The following PTPRD variants were observed in gnomAD, a reference collection of about 807,000 sequenced individuals.
PTPRD encodes receptor-type tyrosine-protein phosphatase delta.
In PTPRD, 34 loss-of-function variants were observed where a neutral mutation model predicts 214.5. The ratio of observed to expected loss-of-function variants is 0.16; its 90% CI spans 0.12 to 0.21. The LOEUF (loss-of-function observed/expected upper bound fraction) is 0.21, where lower values mean the gene tolerates loss of function less well. PTPRD is among the 10% of genes least tolerant of loss of function. The pLI, the probability that PTPRD is intolerant of heterozygous loss-of-function variation, is 1.00. For missense variants in PTPRD, 2,545 were observed against 2,398.7 expected, an observed-to-expected ratio of 1.06 and a Z score of -1.27; for synonymous variants, 1,128 against 845.7, an observed-to-expected ratio of 1.33 and a Z score of -5.79.
intron 3 of PTPRD, among the ~76,000 whole-genome samples, chr9:10,069,806 TATGTGTTGAC>T (rs762412359): frequency 6.6e-6 from 1 of 152,108 alleles, no homozygotes; most frequent in Non-Finnish European, 1.5e-5. Context: ...AACAAACTGA[TATGTGTTGAC>T]ATGTTTCTGT....
chr9:9,014,916 C>T (rs918947275), intron 11 of PTPRD, among the ~76,000 whole-genome samples: 1 of 151,886 alleles, frequency 6.6e-6, no homozygotes, highest in Non-Finnish European at 1.5e-5. Context: ...GGATAAAAGA[C>T]CTTGCTATAT....
intron 8 of PTPRD, among the ~76,000 whole-genome samples, chr9:9,495,045 C>CA (rs2096106691): frequency 6.6e-6 from 1 of 151,828 alleles, no homozygotes; most frequent in African/African-American, 2.4e-5. Flanking sequence ...ACAAGAGCAC[C>CA]AAGAGCATTC....
In PTPRD at chr9:9,837,095, T is replaced by A. The variant is rs562293875; in HGVS notation, c.-367-70244A>T. ...CATTCTTTTCCCTATGTTATGTGTA[T>A]TAGAGTAAATATTCACTTCACTTTC... is the stretch of plus-strand genomic sequence containing the variant. On this transcript the variant is annotated intron_variant, in intron 5 of 45. Transcript: ENST00000381196. Among the ~76,000 whole-genome samples, 6 of 152,268 alleles carry A rather than the reference T, an allele frequency of 3.9e-5. No homozygotes were observed. In the South Asian group the frequency reaches 1.2e-3, roughly 32 times the overall value.
At chr9:8,848,504 A>ATTTTT (rs34149878) in intron 11 of PTPRD, among the ~76,000 whole-genome samples, 1 of 125,038 alleles carries the variant, frequency 8.0e-6, no homozygotes, top group Non-Finnish European at 1.7e-5. Flanking sequence ...TCTGGCAAAT[A>ATTTTT]TTTTTTTTTT....
chr9:9,198,781 A>G (rs1174009211), intron 9 of PTPRD, among the ~76,000 whole-genome samples: 2 of 152,166 alleles, frequency 1.3e-5, no homozygotes, highest in Non-Finnish European at 2.9e-5. Context: ...TTAATGGAAA[A>G]TATCTGATTT....
chr9:8,638,979 A>G (rs1369902907), intron 12 of PTPRD, among the ~76,000 whole-genome samples: 1 of 152,114 alleles, frequency 6.6e-6, no homozygotes, highest in Non-Finnish European at 1.5e-5. Flanking sequence ...AATAGCTAGG[A>G]CTACAGGTGC....
chr9:10,062,451 C>CA lies in PTPRD; in HGVS notation c.-544-28662dup, dbSNP rs371008480. Among the ~76,000 whole-genome samples, 652 of 151,976 alleles carry CA rather than the reference C, an allele frequency of 4.3e-3. 7 individuals are homozygous for CA. The highest frequency in any genetic ancestry group is 0.015 in the African/African-American group (611 of 41,504). The stretch of plus-strand genomic sequence containing the variant: ...TGAAACCCCGTCTCTACTAAAAATA[C>CA]AAAAAATAGCTGGGCGTGGTGGCAG... On this transcript the variant is annotated intron_variant, in intron 3 of 45. Coordinates refer to ENST00000381196, the MANE Select transcript of PTPRD (RefSeq NM_002839.4).
chr9:8,816,991 T>C (rs565645042), intron 11 of PTPRD, among the ~76,000 whole-genome samples: 22 of 152,314 alleles, frequency 1.4e-4, no homozygotes, highest in African/African-American at 4.8e-4. Flanking sequence ...ATCCTAGCAT[T>C]TACCACTCAG....
At chr9:10,117,532 TTG>T (rs1250988807) in intron 3 of PTPRD, among the ~76,000 whole-genome samples, 1 of 152,008 alleles carries the variant, frequency 6.6e-6, no homozygotes, top group Non-Finnish European at 1.5e-5. Flanking sequence ...CCTTCAGTTT[TTG>T]GTTAGTTGCA....
intron 9 of PTPRD, among the ~76,000 whole-genome samples, chr9:9,271,746 G>A (rs1569566401): frequency 6.6e-6 from 1 of 151,186 alleles, no homozygotes; most frequent in South Asian, 2.1e-4. Flanking sequence ...TTTTTTCTGA[G>A]ACTAACATCA....
chr9:10,403,266 T>C (rs1422680669), intron 2 of PTPRD, among the ~76,000 whole-genome samples: 1 of 33,366 alleles, frequency 3.0e-5, no homozygotes, highest in African/African-American at 9.3e-5. Flanking sequence ...ATATGAAAAA[T>C]GTAGTGAATG....
chr9:9,126,818 C>G lies in PTPRD; in HGVS notation c.-143+56486G>C, dbSNP rs183235845. On this transcript the variant is annotated intron_variant, in intron 10 of 45. Coordinates refer to ENST00000381196, the MANE Select transcript of PTPRD (RefSeq NM_002839.4). ...TGTGCATTTGTAAGATTATTGTAATCCTACACATTTTTATTTGACAATAAT... is the reference window on the plus strand; with the variant it reads ...TGTGCATTTGTAAGATTATTGTAATGCTACACATTTTTATTTGACAATAAT... 2.3e-3 allele frequency among the ~76,000 whole-genome samples: 344 copies of G among 152,298 alleles called. 2 individuals are homozygous for G. Among genetic ancestry groups the G allele is most frequent in the African/African-American group, 7.8e-3 (326 of 41,572 alleles).
At chr9:8,421,858 G>C (rs1281431744) in intron 35 of PTPRD, among the ~76,000 whole-genome samples, 1 of 150,286 alleles carries the variant, frequency 6.7e-6, no homozygotes, top group Non-Finnish European at 1.5e-5. Context: ...TTTTTAAATG[G>C]TGAATTTGCC....
chr9:9,586,379 T>C (rs766784137), intron 7 of PTPRD, among the ~76,000 whole-genome samples: 3 of 152,006 alleles, frequency 2.0e-5, no homozygotes, highest in Non-Finnish European at 4.4e-5. Flanking sequence ...ATTGGCATAA[T>C]GGAAATGATT....
At chr9:9,696,720 G>A (rs1019375385) in intron 7 of PTPRD, among the ~76,000 whole-genome samples, 1 of 151,936 alleles carries the variant, frequency 6.6e-6, no homozygotes, top group Admixed American at 6.6e-5. Context: ...TTTCTTGTAG[G>A]CAGCATATAG....
chr9:8,530,262 C>T (rs1184853433), intron 14 of PTPRD, among the ~76,000 whole-genome samples: 1 of 152,012 alleles, frequency 6.6e-6, no homozygotes, highest in Non-Finnish European at 1.5e-5. Context: ...ACCTCACTAG[C>T]AAAGTCCTTT....
At chr9:8,832,048 G>C (rs542319344) in intron 11 of PTPRD, among the ~76,000 whole-genome samples, 2 of 151,946 alleles carry the variant, frequency 1.3e-5, no homozygotes, top group Non-Finnish European at 2.9e-5. Context: ...CCTTCTGAGA[G>C]CTATAATGTG....
intron 9 of PTPRD, among the ~76,000 whole-genome samples, chr9:9,184,183 A>T (rs1203490116): frequency 3.3e-5 from 5 of 152,016 alleles, no homozygotes. Context: ...AGTTAGATGA[A>T]TCTCCTAGAT....
chr9:10,435,897 C>G (rs1420550381), intron 2 of PTPRD, among the ~76,000 whole-genome samples: 1 of 151,706 alleles, frequency 6.6e-6, no homozygotes, highest in East Asian at 1.9e-4. Flanking sequence ...GTTGATGAGG[C>G]TGCCTTTGCT....
Sources: gnomAD v4.1 joint callset for allele counts (sites outside exome capture counted in the v4.1 genomes callset) on GRCh38, gnomAD v4.1.1 for gene constraint, MANE v1.5 for transcripts, NCBI Gene and HGNC (gene_info 2026-07-23, HGNC 2026-07-21) for gene names.